CNTN5: variants seen among roughly 807,000 people sequenced by gnomAD.
The protein encoded by CNTN5 is contactin-5.
In CNTN5, 77 loss-of-function variants were observed where a neutral mutation model predicts 129.1. The observed-to-expected ratio is 0.60, with a 90% CI of 0.50 to 0.72. CNTN5 has a LOEUF of 0.72. CNTN5 is among the 30% of genes least tolerant of loss of function. The pLI is 0.00. For synonymous variants in CNTN5, 509 were observed against 465.6 expected, an observed-to-expected ratio of 1.09 and a Z score of -1.20; for missense variants, 1,478 against 1,328.8, an observed-to-expected ratio of 1.11 and a Z score of -1.75.
intron 3 of CNTN5, among the ~76,000 whole-genome samples, chr11:99,598,951 T>C (rs1269819891): frequency 6.6e-6 from 1 of 152,186 alleles, no homozygotes; most frequent in Non-Finnish European, 1.5e-5. Context: ...CTATGATATA[T>C]ATGTCTTTAA....
At position 99,956,998 on chromosome 11, in the gene CNTN5, T is replaced by C. The variant is rs1220561552; in HGVS notation, c.866T>C (p.Leu289Pro). ...RVLSPPTPLT[L>P]RNDGVMGEYE... ...CTTAGTCCTCCAACGCCACTCACTC[T>C]GCGTAATGATGGTAAGTTGCTTGGC... is the stretch of plus-strand genomic sequence containing the variant. Residue 289 changes from leucine to proline, a missense_variant, in exon 8 of 25, where the codon CTG (leucine) becomes CCG (proline). Transcript: ENST00000524871. 1 of 1,613,458 alleles carries C rather than the reference T, an allele frequency of 6.2e-7. No homozygotes were observed. The highest frequency in any genetic ancestry group is 8.5e-7 in the Non-Finnish European group (1 of 1,179,624).
At chr11:99,849,851 T>G (rs10894004) in intron 6 of CNTN5, among the ~76,000 whole-genome samples, 24,086 of 152,066 alleles carry the variant, frequency 0.16, 2,031 homozygotes, top group Non-Finnish European at 0.17. Context: ...ACTCAATCTT[T>G]CCCTATTCCA....
chr11:99,717,434 C>T (rs1955287564), intron 3 of CNTN5, among the ~76,000 whole-genome samples: 1 of 151,860 alleles, frequency 6.6e-6, no homozygotes, highest in African/African-American at 2.4e-5. Flanking sequence ...CGAGTGTGCA[C>T]TACCAATAAA....
intron 2 of CNTN5, among the ~76,000 whole-genome samples, chr11:99,475,600 G>A (rs1945339899): frequency 6.6e-6 from 1 of 151,764 alleles, no homozygotes; most frequent in Admixed American, 6.6e-5. Context: ...AAACTTCCTG[G>A]AAATATTAAT....
chr11:100,207,765 C>T (rs542822968), intron 15 of CNTN5, among the ~76,000 whole-genome samples: 22 of 152,240 alleles, frequency 1.4e-4, no homozygotes, highest in African/African-American at 4.8e-4. Context: ...TCACTGAGCT[C>T]GTCACATCAC....
At chr11:99,915,677 C>G (rs1323240665) in intron 6 of CNTN5, among the ~76,000 whole-genome samples, 2 of 152,152 alleles carry the variant, frequency 1.3e-5, no homozygotes, top group Non-Finnish European at 2.9e-5. Flanking sequence ...ACACCAAGTC[C>G]TCTAACCAGT....
At chr11:99,408,456 A>AAGAAAG (rs1942218607) in intron 2 of CNTN5, among the ~76,000 whole-genome samples, 8 of 124,142 alleles carry the variant, frequency 6.4e-5, no homozygotes, top group African/African-American at 8.5e-5. Flanking sequence ...AAGAGAAAGA[A>AAGAAAG]AGAAAGAAAG....
At chr11:99,164,615 A>G (rs2135523556) in intron 1 of CNTN5, among the ~76,000 whole-genome samples, 1 of 152,302 alleles carries the variant, frequency 6.6e-6, no homozygotes, top group African/African-American at 2.4e-5. Flanking sequence ...TATTTTGAGA[A>G]ATGAAAATTC....
At chr11:100,131,204 C>T (rs890298260) in intron 13 of CNTN5, among the ~76,000 whole-genome samples, 5 of 151,994 alleles carry the variant, frequency 3.3e-5, no homozygotes, top group Non-Finnish European at 5.9e-5. Flanking sequence ...GGTACAGAAT[C>T]ACTAATTAAA....
intron 2 of CNTN5, among the ~76,000 whole-genome samples, chr11:99,498,525 A>G (rs150686286): frequency 3.3e-5 from 5 of 152,138 alleles, no homozygotes; most frequent in African/African-American, 7.2e-5. Flanking sequence ...ACTAGCATCA[A>G]TGTTCCCTTT....
At chr11:99,938,875 T>C (rs886768877) in intron 7 of CNTN5, among the ~76,000 whole-genome samples, 3 of 152,082 alleles carry the variant, frequency 2.0e-5, no homozygotes, top group Non-Finnish European at 4.4e-5. Flanking sequence ...AAAGGAAGGA[T>C]TTGAAAAATT....
chr11:99,744,297 A>G (rs976075802), intron 3 of CNTN5, among the ~76,000 whole-genome samples: 2 of 152,088 alleles, frequency 1.3e-5, no homozygotes, highest in African/African-American at 4.8e-5. Context: ...TGATTTACAG[A>G]GATTGTAAAC....
At chr11:99,765,086 G>A (rs1944708256) in intron 3 of CNTN5, among the ~76,000 whole-genome samples, 1 of 151,948 alleles carries the variant, frequency 6.6e-6, no homozygotes, top group Non-Finnish European at 1.5e-5. Flanking sequence ...GTTAGATATG[G>A]AAGATAATGG....
At chr11:99,988,818 T>C (rs1409369726) in intron 8 of CNTN5, among the ~76,000 whole-genome samples, 1 of 149,654 alleles carries the variant, frequency 6.7e-6, no homozygotes, top group Admixed American at 6.7e-5. Flanking sequence ...TTGAAAATAT[T>C]CTCCCTACCT....
At chr11:99,856,410 C>G (rs1451090354) in intron 6 of CNTN5, among the ~76,000 whole-genome samples, 1 of 152,158 alleles carries the variant, frequency 6.6e-6, no homozygotes, top group Non-Finnish European at 1.5e-5. Context: ...AGAATACCCT[C>G]AGACAGTGGA....
chr11:99,229,394 G>A (rs1760363606), intron 1 of CNTN5, among the ~76,000 whole-genome samples: 1 of 151,948 alleles, frequency 6.6e-6, no homozygotes, highest in African/African-American at 2.4e-5. Flanking sequence ...AATGATTGCT[G>A]TAAAATGCTG....
chr11:99,620,169 CGA>C (rs1950895466), intron 3 of CNTN5, among the ~76,000 whole-genome samples: 1 of 152,016 alleles, frequency 6.6e-6, no homozygotes, highest in African/African-American at 2.4e-5. Context: ...GGTTAAGAGA[CGA>C]AAAGTATTTG....
At chr11:100,009,943 T>G (rs1266335275) in intron 9 of CNTN5, among the ~76,000 whole-genome samples, 3 of 152,136 alleles carry the variant, frequency 2.0e-5, no homozygotes, top group Non-Finnish European at 4.4e-5. Context: ...TGGTGGCATA[T>G]CCAGGAAGTA....
intron 3 of CNTN5, among the ~76,000 whole-genome samples, chr11:99,662,247 A>C (rs752477152): frequency 6.6e-6 from 1 of 152,172 alleles, no homozygotes; most frequent in African/African-American, 2.4e-5. Flanking sequence ...ATAATGACAT[A>C]AAATTAGCAG....
Sources: gnomAD v4.1 joint callset for allele counts (sites outside exome capture counted in the v4.1 genomes callset) on GRCh38, gnomAD v4.1.1 for gene constraint, MANE v1.5 for transcripts, NCBI Gene and HGNC (gene_info 2026-07-23, HGNC 2026-07-21) for gene names.